Variants in HELZ observed in about 807,000 individuals in gnomAD.
The protein encoded by HELZ is ATP-dependent RNA helicase with zinc finger domain.
A neutral mutation model predicts 218.2 loss-of-function variants in HELZ; 23 were observed. That is an observed-to-expected ratio of 0.11 (90% CI 0.08 to 0.15). HELZ has a LOEUF of 0.15. HELZ is among the 10% of genes least tolerant of loss of function. HELZ has a pLI of 1.00. For missense variants in HELZ, 1,813 were observed against 2,353.7 expected, an observed-to-expected ratio of 0.77 and a Z score of 4.75; for synonymous variants, 814 against 829.4, an observed-to-expected ratio of 0.98 and a Z score of 0.32.
chr17:67,107,064 C>T (rs954258864), intron 31 of HELZ, 105 bp downstream of exon 31: 49 of 1,048,060 alleles, frequency 4.7e-5, no homozygotes, highest in African/African-American at 4.5e-4. Flanking sequence ...ATCTTTAATA[C>T]GCTGTTAAAT....
intron 13 of HELZ, among the ~76,000 whole-genome samples, chr17:67,168,006 G>A (rs983409464): frequency 4.6e-4 from 69 of 151,286 alleles, no homozygotes; most frequent in African/African-American, 1.5e-3. Flanking sequence ...TTTTTGAGAC[G>A]GAGTCTCACT....
intron 23 of HELZ, among the ~76,000 whole-genome samples, chr17:67,130,231 T>TGTACACTACTCAGGTGAGGG (rs2037935250): frequency 1.3e-5 from 2 of 152,124 alleles, no homozygotes; most frequent in Non-Finnish European, 2.9e-5. Flanking sequence ...TTGGGTACAA[T>TGTACACTACTCAGGTGAGGG]GTACACTACT....
chr17:67,160,988 G>T lies in HELZ; in HGVS notation c.1984C>A (p.Pro662Thr). Reference sequence around the variant, plus strand: ...TAGGGTCCGATGATAAGCACAGGCGGCAGCTGGATTGCAAGTGGAGTGGTA... The same window carrying T: ...TAGGGTCCGATGATAAGCACAGGCGTCAGCTGGATTGCAAGTGGAGTGGTA... ...AITTPLAIQLPPVLIIGPYGT... is the reference protein window; with the variant it reads ...AITTPLAIQLTPVLIIGPYGT... Residue 662 changes from proline (P) to threonine (T), a missense_variant, in exon 16 of 33, where the codon CCG (proline) becomes ACG (threonine). Pro to Thr is a conservative substitution (Grantham distance 38). Transcript: ENST00000358691. The T allele has an allele frequency of 6.2e-7, 1 of 1,613,794 alleles. No homozygotes were observed. Among genetic ancestry groups the T allele is most frequent in the Non-Finnish European group, 8.5e-7 (1 of 1,179,806 alleles).
chr17:67,081,905 GTGA>G (rs1333637618), intron 32 of HELZ, among the ~76,000 whole-genome samples: 2 of 29,576 alleles, frequency 6.8e-5, no homozygotes, highest in Non-Finnish European at 7.1e-5. Context: ...GAAGAGCAGA[GTGA>G]TCAGAAGACC....
Position 67,120,525 on chromosome 17 carries a change from A to G in HELZ, c.3718T>C (p.Leu1240=). The G allele has an allele frequency of 1.2e-6, 2 of 1,613,810 alleles. No individual in the cohort carries two copies. Among genetic ancestry groups the G allele is most frequent in the Non-Finnish European group, 1.7e-6 (2 of 1,179,922 alleles). The change falls in exon 27 of 33, where the codon TTA becomes CTA. Residue 1240 remains leucine (L), a synonymous_variant. Transcript: ENST00000358691. The stretch of plus-strand genomic sequence containing the variant: ...GGAGATCCTCGTCCATGTGTCTGTA[A>G]TAGGTTCATGTTATAGGCCATTGCT... ...QAAMAYNMNL[L]QTHGRGSPIP...
intron 20 of HELZ, among the ~76,000 whole-genome samples, chr17:67,146,786 C>G (rs2038511764): frequency 6.6e-6 from 1 of 152,124 alleles, no homozygotes; most frequent in African/African-American, 2.4e-5. Flanking sequence ...ATGGTTTTCA[C>G]ATGGCTGACA....
rs551345150 is a variant in HELZ at position 67,126,530 on chromosome 17, G to A, written c.3387+2121C>T. Among the ~76,000 whole-genome samples the A allele has an allele frequency of 2.0e-5, 3 of 152,252 alleles. No individual in the cohort carries two copies. In the East Asian group the frequency reaches 5.8e-4, roughly 29 times the overall value. ...TTACTTAGTTTATATAAAATATACA[G>A]TGTTTGGTAGCTTATTAACAAAATA... On this transcript the variant is annotated intron_variant, in intron 24 of 32. Coordinates refer to ENST00000358691, the MANE Select transcript of HELZ (RefSeq NM_014877.4).
In HELZ at chr17:67,135,998, T is replaced by C. The variant is rs1598297458; in HGVS notation, c.3154A>G (p.Ile1052Val). 2 of 1,613,576 alleles carry C rather than the reference T, an allele frequency of 1.2e-6. No individual in the cohort carries two copies. Among genetic ancestry groups the C allele is most frequent in the East Asian group, 4.5e-5 (2 of 44,810 alleles). ...QSLVAVVGDP[I>V]ALCSIGRCRK... is the part of the protein sequence containing the mutation. ...CATCTTCCAATAGAGCACAGAGCAATGGGATCACCCACCACAGCAACCAGG... is the reference window on the plus strand; with the variant it reads ...CATCTTCCAATAGAGCACAGAGCAACGGGATCACCCACCACAGCAACCAGG... The change falls in exon 23 of 33, where the codon ATT becomes GTT. Residue 1052 changes from isoleucine (I) to valine (V), a missense_variant. By Grantham distance (29) the Ile-to-Val change is conservative (BLOSUM62 3). This residue lies in a region of HELZ where 156 missense variants were observed against 274.4 expected (regional missense o/e 0.57). Coordinates refer to ENST00000358691, the MANE Select transcript of HELZ (RefSeq NM_014877.4).
Position 67,199,503 on chromosome 17 carries a change from G to A in HELZ, c.429+1626C>T, listed in dbSNP as rs375785143. ...GCTGGGATTATAGGCGTGAAGCACC[G>A]CACCGGGACTGTTTTGCCATTACTT... On this transcript the variant is annotated intron_variant, in intron 7 of 32. Transcript: ENST00000358691. Among the ~76,000 whole-genome samples, 15 of 152,162 alleles carry A rather than the reference G, an allele frequency of 9.9e-5. No individual in the cohort carries two copies. In the East Asian group the frequency reaches 1.5e-3, roughly 16 times the overall value.
intron 12 of HELZ, among the ~76,000 whole-genome samples, chr17:67,187,419 T>C (rs2039785686): frequency 6.6e-6 from 1 of 152,126 alleles, no homozygotes; most frequent in Non-Finnish European, 1.5e-5. Flanking sequence ...GACAGACCAA[T>C]TTCACCTTTT....
intron 3 of HELZ, among the ~76,000 whole-genome samples, chr17:67,238,030 G>A (rs1837121060): frequency 2.1e-5 from 3 of 144,692 alleles, no homozygotes; most frequent in Non-Finnish European, 4.5e-5. Context: ...TGCGGATGAA[G>A]ATATCTCACA....
At chr17:67,198,543 T>A (rs1025863771) in intron 7 of HELZ, among the ~76,000 whole-genome samples, 7 of 152,210 alleles carry the variant, frequency 4.6e-5, no homozygotes, top group African/African-American at 7.2e-5. Flanking sequence ...ACCGACACCT[T>A]CAGGAAAAAT....
chr17:67,203,474 T>C (rs747609289), intron 5 of HELZ, 31 bp from the exon 6 acceptor site: 8 of 1,608,696 alleles, frequency 5.0e-6, no homozygotes, highest in African/African-American at 1.3e-5. Flanking sequence ...TCATTAACCA[T>C]ATGACATTTA....
chr17:67,145,618 C>T (rs1006740862), intron 21 of HELZ, 125 bp downstream of exon 21: 7 of 672,120 alleles, frequency 1.0e-5, no homozygotes, highest in Non-Finnish European at 1.7e-5. Flanking sequence ...ACTTTACATA[C>T]TATTTACATG....
intron 6 of HELZ, 113 bp from the exon 7 acceptor site, chr17:67,201,298 T>C (rs1567886681): frequency 1.5e-5 from 10 of 671,162 alleles, no homozygotes; most frequent in East Asian, 2.6e-5. Context: ...AACAATGTTA[T>C]CCTCATCCCT....
At chr17:67,113,228 G>A (rs182795889) in intron 28 of HELZ, among the ~76,000 whole-genome samples, 3 of 151,912 alleles carry the variant, frequency 2.0e-5, no homozygotes, top group East Asian at 3.9e-4. Context: ...ATGAGGAGAA[G>A]GGACAAGGTC....
intron 5 of HELZ, chr17:67,215,665 G>C: frequency 1.9e-6 from 1 of 521,218 alleles, no homozygotes; most frequent in Non-Finnish European, 3.6e-6. Flanking sequence ...ACTTCAAAAG[G>C]ACACATCATC....
At chr17:67,210,038 CA>C (rs1461086981) in intron 5 of HELZ, among the ~76,000 whole-genome samples, 1 of 152,108 alleles carries the variant, frequency 6.6e-6, no homozygotes, top group Non-Finnish European at 1.5e-5. Flanking sequence ...GGCAACAAAG[CA>C]AAACCCCATC....
chr17:67,179,715 T>C (rs963380324), intron 12 of HELZ: 33 of 151,632 alleles, frequency 2.2e-4, no homozygotes, highest in African/African-American at 6.3e-4. Flanking sequence ...GAGTGAAACA[T>C]ACATATACCT....
Sources: allele counts gnomAD v4.1 joint callset (sites outside exome capture counted in the v4.1 genomes callset), GRCh38; gene constraint gnomAD v4.1.1; regional missense constraint gnomAD v4.1.1; transcripts MANE v1.5; gene names NCBI Gene and HGNC (gene_info 2026-07-23, HGNC 2026-07-21).